Variants in SEMA6A observed in about 807,000 individuals in gnomAD.
SEMA6A encodes the protein semaphorin-6A.
Under a neutral mutation model 96.8 loss-of-function variants are expected in SEMA6A, and 25 were observed. The observed-to-expected ratio is 0.26, with a 90% CI of 0.19 to 0.36. The LOEUF (loss-of-function observed/expected upper bound fraction) is 0.36. Among genes scored for constraint, SEMA6A ranks in the 10% least tolerant of loss-of-function variants. The pLI is 1.00. For missense variants in SEMA6A, 1,363 were observed against 1,323.1 expected (o/e 1.03, Z -0.47); for synonymous variants, 612 against 518.0 (o/e 1.18, Z -2.46).
intron 2 of SEMA6A, chr5:116,502,641 T>A (rs1380271701): frequency 7.9e-6 from 2 of 254,016 alleles, no homozygotes; most frequent in African/African-American, 4.5e-5. Flanking sequence ...AAGGTGCTCT[T>A]TTCTTCCACA....
chr5:116,470,554 T>C (rs890265999), intron 17 of SEMA6A, among the ~76,000 whole-genome samples: 7 of 152,232 alleles, frequency 4.6e-5, no homozygotes, highest in Non-Finnish European at 8.8e-5. Context: ...CTCTAACCTA[T>C]TAACAATGTT....
chr5:116,499,777 C>T (rs1453233447), intron 3 of SEMA6A, among the ~76,000 whole-genome samples: 1 of 151,978 alleles, frequency 6.6e-6, no homozygotes, highest in East Asian at 1.9e-4. Context: ...CCTTTCCTTC[C>T]TTGGGGTGAG....
intron 1 of SEMA6A, among the ~76,000 whole-genome samples, chr5:116,567,006 T>G (rs1179524975): frequency 1.3e-5 from 2 of 152,152 alleles, no homozygotes; most frequent in Non-Finnish European, 2.9e-5. Context: ...TCCCTAAAAT[T>G]GTCATTATGA....
intron 16 of SEMA6A, among the ~76,000 whole-genome samples, chr5:116,473,599 G>A (rs1202596190): frequency 2.0e-5 from 3 of 152,174 alleles, no homozygotes; most frequent in African/African-American, 7.2e-5. Flanking sequence ...CACATATTAG[G>A]CAACATATCT....
intron 1 of SEMA6A, among the ~76,000 whole-genome samples, chr5:116,520,907 A>C (rs1341146820): frequency 1.3e-5 from 2 of 152,122 alleles, no homozygotes; most frequent in Non-Finnish European, 2.9e-5. Context: ...GATGGTCCAG[A>C]AGGATCCTGC....
Position 116,478,709 on chromosome 5 carries a change from A to G in SEMA6A, c.1260T>C (p.Leu420=). Residue 420 remains leucine, a synonymous_variant, in exon 13 of 19, where the codon CTT becomes CTC. Transcript: ENST00000343348. ...WFLRTMVRYR[L]TKIAVDTAAG... is the part of the protein sequence containing the mutation. ...CAGCTGTGTCCACTGCAATTTTGGT[A>G]AGGCGGTATCTAAAATGACAGGACC... is the stretch of plus-strand genomic sequence containing the variant. 3 of 1,612,440 alleles carry G rather than the reference A, an allele frequency of 1.9e-6. No homozygotes were observed. Among genetic ancestry groups the G allele is most frequent in the South Asian group, 2.2e-5 (2 of 90,562 alleles).
chr5:116,460,628 ATAT>A (rs1469751707), intron 18 of SEMA6A, among the ~76,000 whole-genome samples: 1 of 152,154 alleles, frequency 6.6e-6, no homozygotes, highest in African/African-American at 2.4e-5. Context: ...AATATTAAAA[ATAT>A]TATTCAGGTG....
chr5:116,480,427 A>AG, intron 11 of SEMA6A, 150 bp from the exon 12 acceptor site: 1 of 911,864 alleles, frequency 1.1e-6, no homozygotes, highest in East Asian at 2.6e-5. Context: ...AATGCCACCA[A>AG]GCACAATATG....
intron 1 of SEMA6A, among the ~76,000 whole-genome samples, chr5:116,520,640 T>G (rs1288615270): frequency 3.9e-5 from 6 of 152,152 alleles, no homozygotes; most frequent in Non-Finnish European, 1.5e-5. Flanking sequence ...AAAGATGATT[T>G]CTGCTCAAAA....
At chr5:116,488,725 G>C (rs1199246647) in intron 8 of SEMA6A, among the ~76,000 whole-genome samples, 163 bp downstream of exon 8, 1 of 152,134 alleles carries the variant, frequency 6.6e-6, no homozygotes, top group African/African-American at 2.4e-5. Flanking sequence ...AAAAAAGGGA[G>C]GTAAATAAAT....
chr5:116,534,447 T>G (rs1759624932), intron 1 of SEMA6A, among the ~76,000 whole-genome samples: 1 of 152,212 alleles, frequency 6.6e-6, no homozygotes, highest in African/African-American at 2.4e-5. Context: ...CAGCCTGTCT[T>G]TTGAGTCCTC....
intron 1 of SEMA6A, among the ~76,000 whole-genome samples, chr5:116,507,762 C>G (rs1279750138): frequency 2.6e-5 from 4 of 152,148 alleles, no homozygotes. Context: ...AAAACATTTA[C>G]TTCATAAGTA....
At chr5:116,487,587 G>A (rs544160837) in intron 9 of SEMA6A, among the ~76,000 whole-genome samples, 1 of 152,248 alleles carries the variant, frequency 6.6e-6, no homozygotes, top group African/African-American at 2.4e-5. Flanking sequence ...TCTCGGGCCA[G>A]GTGCGGAGGC....
At chr5:116,462,972 A>T (rs558085326) in intron 18 of SEMA6A, among the ~76,000 whole-genome samples, 39 of 152,284 alleles carry the variant, frequency 2.6e-4, no homozygotes, top group African/African-American at 9.4e-4. Context: ...TCAAAGGGAA[A>T]CTTGATATCA....
intron 18 of SEMA6A, among the ~76,000 whole-genome samples, chr5:116,455,834 A>C (rs1423333201): frequency 1.3e-5 from 2 of 152,196 alleles, no homozygotes; most frequent in East Asian, 3.8e-4. Context: ...TGTTGGCTCT[A>C]CAAATAGCTA....
At chr5:116,515,449 T>A (rs1263049749) in intron 1 of SEMA6A, among the ~76,000 whole-genome samples, 1 of 152,196 alleles carries the variant, frequency 6.6e-6, no homozygotes, top group Non-Finnish European at 1.5e-5. Context: ...CCCTAACTTT[T>A]TCTTTGTAAT....
intron 5 of SEMA6A, 24 bp from the exon 6 acceptor site, chr5:116,495,538 T>G: frequency 6.7e-7 from 1 of 1,497,846 alleles, no homozygotes; most frequent in Non-Finnish European, 9.2e-7. Context: ...CAAACTGTTT[T>G]GTATCATGTC....
intron 1 of SEMA6A, among the ~76,000 whole-genome samples, chr5:116,530,623 G>A (rs1371081102): frequency 1.3e-5 from 2 of 151,966 alleles, no homozygotes; most frequent in African/African-American, 2.4e-5. Flanking sequence ...CTCATATTGC[G>A]TTCATGGGTG....
chr5:116,475,664 A>G (rs558521971), intron 15 of SEMA6A, 61 bp from the exon 16 acceptor site: 2 of 1,279,130 alleles, frequency 1.6e-6, no homozygotes, highest in African/African-American at 1.5e-5. Context: ...GTCTTCAGAA[A>G]TGAGTCAAGC....
Sources: gnomAD v4.1 joint callset for allele counts (sites outside exome capture counted in the v4.1 genomes callset) on GRCh38, gnomAD v4.1.1 for gene constraint, MANE v1.5 for transcripts, NCBI Gene and HGNC (gene_info 2026-07-23, HGNC 2026-07-21) for gene names.